USP34: variants seen among roughly 807,000 people sequenced by gnomAD.
USP34 encodes the protein ubiquitin carboxyl-terminal hydrolase 34.
USP34 carries 70 observed loss-of-function variants against 460.3 expected under a neutral mutation model. That is an observed-to-expected ratio of 0.15 (90% CI 0.13 to 0.19). The LOEUF is 0.19. Ranked by LOEUF, USP34 falls within the 10% of genes least tolerant of loss-of-function variation. The pLI is 1.00. For missense variants in USP34, 3,985 were observed against 4,236.2 expected (o/e 0.94, Z 1.65); for synonymous variants, 1,647 against 1,405.3 (o/e 1.17, Z -3.85).
intron 10 of USP34, among the ~76,000 whole-genome samples, chr2:61,356,475 G>GCGCGCACGCACACACA (rs369666693): frequency 4.8e-4 from 62 of 128,420 alleles, no homozygotes; most frequent in African/African-American, 1.6e-3. Context: ...GGGTGAAAGC[G>GCGCGCACGCACACACA]CACACACACA....
chr2:61,251,840 T>A (rs539685973), intron 48 of USP34, among the ~76,000 whole-genome samples: 1 of 152,246 alleles, frequency 6.6e-6, no homozygotes, highest in African/African-American at 2.4e-5. Flanking sequence ...CATTTGGACA[T>A]TTTTTTCTTT....
At chr2:61,217,010 GA>G (rs1346243751) in intron 67 of USP34, among the ~76,000 whole-genome samples, 1 of 150,614 alleles carries the variant, frequency 6.6e-6, no homozygotes, top group African/African-American at 2.4e-5. Context: ...CATAAGGTTG[GA>G]AAAGCTCTAC....
intron 18 of USP34, among the ~76,000 whole-genome samples, chr2:61,334,597 T>G (rs1252984197): frequency 2.0e-5 from 3 of 152,138 alleles, no homozygotes; most frequent in Non-Finnish European, 4.4e-5. Context: ...ATGAAAAAAT[T>G]TTTCACAAAT....
intron 75 of USP34, among the ~76,000 whole-genome samples, chr2:61,198,214 T>C (rs1274605626): frequency 6.6e-6 from 1 of 152,258 alleles, no homozygotes; most frequent in African/African-American, 2.4e-5. Context: ...TCCTCTACTT[T>C]TTTCTGTACA....
chr2:61,280,043 C>A (rs373469525), intron 39 of USP34, among the ~76,000 whole-genome samples: 26 of 152,210 alleles, frequency 1.7e-4, no homozygotes, highest in South Asian at 4.1e-4. Context: ...CAGATGAAGA[C>A]GTTTCAACTA....
At chr2:61,359,863 C>A (rs1692222056) in intron 10 of USP34, among the ~76,000 whole-genome samples, 1 of 145,288 alleles carries the variant, frequency 6.9e-6, no homozygotes, top group African/African-American at 2.5e-5. Flanking sequence ...CGGCTCACTG[C>A]AACCTCTGCC....
At chr2:61,394,734 A>C in intron 5 of USP34, 119 bp downstream of exon 5, 2 of 751,540 alleles carry the variant, frequency 2.7e-6, no homozygotes, top group Non-Finnish European at 3.8e-6. Flanking sequence ...TTTTGTCAAA[A>C]TAAAAAAAAA....
At chr2:61,303,367 A>T (rs941181471) in intron 27 of USP34, among the ~76,000 whole-genome samples, 7 of 151,770 alleles carry the variant, frequency 4.6e-5, no homozygotes. Context: ...CGGCCCAGCC[A>T]GAATATCGTA....
rs1695082370 is a variant in USP34, at chr2:61,445,377, T to C, written c.44-24544A>G. ...AGTGAAACCCCATCTCTACGAAAAA[T>C]ACAAAAAGTTAGCGGGGCGTGGTGG... On this transcript the variant is annotated intron_variant, in intron 1 of 79. Transcript: ENST00000398571. 2.0e-5 allele frequency among the ~76,000 whole-genome samples: 3 copies of C among 148,188 alleles called. No homozygotes were observed. In the South Asian group the frequency reaches 6.4e-4, roughly 32 times the overall value.
chr2:61,287,235 A>T (rs1689717669), intron 34 of USP34, among the ~76,000 whole-genome samples: 1 of 152,186 alleles, frequency 6.6e-6, no homozygotes, highest in Non-Finnish European at 1.5e-5. Context: ...TGTCCGTCAC[A>T]ATCTATCAGT....
Position 61,212,962 on chromosome 2 carries a change from T to C in USP34, c.8683-1033A>G, listed in dbSNP as rs535660068. Among the ~76,000 whole-genome samples the C allele has an allele frequency of 5.3e-5, 8 of 152,336 alleles. No homozygotes were observed. The South Asian group carries it at 1.7e-3, about 32-fold the overall frequency. On this transcript the variant is annotated intron_variant, in intron 68 of 79. Transcript: ENST00000398571. ...AGTCAGAAAGATTGATATTTTGTAT[T>C]CTTATGGCATTGGTTTTCAATTTCT...
chr2:61,222,254 TTTATA>T (rs1386451883), intron 65 of USP34, among the ~76,000 whole-genome samples: 1 of 152,218 alleles, frequency 6.6e-6, no homozygotes, highest in African/African-American at 2.4e-5. Flanking sequence ...CAAAAATACT[TTTATA>T]TAACACTGCA....
rs556854731 is a variant in USP34, at chr2:61,247,825, C to T, written c.6394+686G>A. 5.9e-5 allele frequency among the ~76,000 whole-genome samples: 9 copies of T among 152,274 alleles called. No individual in the cohort carries two copies. The South Asian group carries it at 8.3e-4, about 14-fold the overall frequency. On this transcript the variant is annotated intron_variant, in intron 49 of 79. Transcript: ENST00000398571. ...TTTTTATTTTTTTGAGACAGAGTCT[C>T]GCTCTGTCGCCCACACTGGAGTGCA...
At chr2:61,323,944 T>C (rs193002443) in intron 21 of USP34, among the ~76,000 whole-genome samples, 2 of 152,278 alleles carry the variant, frequency 1.3e-5, no homozygotes, top group East Asian at 3.9e-4. Context: ...CTGGCATTTG[T>C]TACAAATAGT....
In USP34 at chr2:61,383,645, G is replaced by A. The variant is rs1014340296; in HGVS notation, c.754-309C>T. On this transcript the variant is annotated intron_variant, in intron 5 of 79. Coordinates refer to ENST00000398571, the MANE Select transcript of USP34 (RefSeq NM_014709.4). ...TTGAACCCCCACCCCCGGGGGGGGCGGGGGGAAGAGGATGTGGTGAGCCGA... is the reference window on the plus strand; with the variant it reads ...TTGAACCCCCACCCCCGGGGGGGGCAGGGGGAAGAGGATGTGGTGAGCCGA... Among the ~76,000 whole-genome samples, 8 of 151,912 alleles carry A rather than the reference G, an allele frequency of 5.3e-5. No homozygotes were observed. The East Asian group carries it at 7.7e-4, about 15-fold the overall frequency.
chr2:61,256,950 C>T lies in USP34; in HGVS notation c.6049G>A (p.Asp2017Asn). The T allele has an allele frequency of 6.5e-6, 10 of 1,531,746 alleles. No individual in the cohort carries two copies. Among genetic ancestry groups the T allele is most frequent in the Non-Finnish European group, 8.7e-6 (10 of 1,142,860 alleles). The allele number at this position is 1,531,746 out of a possible 1,614,324, so 94.9% of individuals were successfully genotyped here. A position where few individuals can be genotyped will look rare whatever the true frequency, so the allele number is the denominator to read the frequency against. ...GCAGTTTGACTAACATGTTCACAAT[C>T]CTAATCAATACACATAAAAAATTAA... The part of the protein sequence containing the change: ...GVITNNVVSL[D>N]CEHVSQTAEE... Residue 2017 changes from aspartate to asparagine, a missense_variant and splice_region_variant, in exon 47 of 80, where the codon GAT (aspartate) becomes AAT (asparagine). Asp to Asn is a conservative substitution (Grantham distance 23). This residue lies in a region of USP34 where 145 missense variants were observed against 291.6 expected (regional missense o/e 0.50). Transcript: ENST00000398571.
rs200356484 is a variant in USP34, at chr2:61,257,117, T to C, written c.5992-9A>G. On this transcript the variant is annotated splice_polypyrimidine_tract_variant and intron_variant, in intron 45 of 79. Coordinates refer to ENST00000398571, the MANE Select transcript of USP34 (RefSeq NM_014709.4). ...CTTTTGACGGTATTTTTCTTTAATA[T>C]AAAACAAACAAAAAATAAGAAACTA... 432 of 1,575,004 alleles carry C rather than the reference T, an allele frequency of 2.7e-4. No homozygotes were observed. Among genetic ancestry groups the C allele is most frequent in the South Asian group, 2.0e-3 (170 of 84,186 alleles).
At position 61,188,915 on chromosome 2, in the gene USP34, G is replaced by A. The variant is rs752201352; in HGVS notation, c.10028C>T (p.Thr3343Ile). The change falls in exon 79 of 80, where the codon ACT (threonine) becomes ATT (isoleucine). Residue 3343 changes from threonine (T) to isoleucine (I), a missense_variant. Physicochemically the swap from Thr to Ile is moderately conservative, Grantham distance 89. Coordinates refer to ENST00000398571, the MANE Select transcript of USP34 (RefSeq NM_014709.4). ...LQEQEAKERK[T>I]KDDEGATPIK... is the part of the protein sequence containing the mutation. ...TAGTAGTCCATAAAGCTAACCTTTA[G>A]TTTTTCTTTCTTTGGCTTCTTGCTC... is the stretch of plus-strand genomic sequence containing the variant. The A allele has an allele frequency of 9.9e-6, 16 of 1,614,104 alleles. No individual in the cohort carries two copies. Among genetic ancestry groups the A allele is most frequent in the Non-Finnish European group, 1.4e-5 (16 of 1,180,010 alleles).
At position 61,470,639 on chromosome 2, in the gene USP34, C is replaced by T. The variant is rs1191864452; in HGVS notation, c.43+11G>A. The T allele has an allele frequency of 6.3e-7, 1 of 1,588,754 alleles. No homozygotes were observed. Among genetic ancestry groups the T allele is most frequent in the East Asian group, 2.4e-5 (1 of 42,542 alleles). ...CGTGCACCCCGACAGGCCGCTACCG[C>T]GGCTACTTACTTTCATTTAACACCT... On this transcript the variant is annotated intron_variant, in intron 1 of 79. Transcript: ENST00000398571.
Sources: allele counts gnomAD v4.1 joint callset (sites outside exome capture counted in the v4.1 genomes callset), GRCh38; gene constraint gnomAD v4.1.1; regional missense constraint gnomAD v4.1.1; transcripts MANE v1.5; gene names NCBI Gene and HGNC (gene_info 2026-07-23, HGNC 2026-07-21).